The following DNAH3 variants were observed in gnomAD, a reference collection of about 807,000 sequenced individuals.
DNAH3 encodes the protein dynein axonemal heavy chain 3.
In DNAH3, 332 loss-of-function variants were observed where a neutral mutation model predicts 432.5. The ratio of observed to expected loss-of-function variants is 0.77; its 90% confidence interval spans 0.70 to 0.84. DNAH3 has a LOEUF of 0.84. Ranked by LOEUF, DNAH3 falls within the 40% of genes least tolerant of loss-of-function variation. The probability of loss-of-function intolerance (pLI) is 0.00; values close to 1 mark genes in which losing one functional copy is unlikely to be tolerated. For synonymous variants in DNAH3, 1,956 were observed against 1,900.2 expected (o/e 1.03, Z -0.76); for missense variants, 4,861 against 5,114.0 (o/e 0.95, Z 1.51).
chr16:21,065,254 G>A (rs138542781), intron 24 of DNAH3, among the ~76,000 whole-genome samples: 34 of 151,834 alleles, frequency 2.2e-4, no homozygotes, highest in African/African-American at 8.0e-4. Context: ...TCTGCCTCCC[G>A]GGTTCAAGCA....
intron 29 of DNAH3, among the ~76,000 whole-genome samples, chr16:21,050,389 T>C (rs2089904767): frequency 6.6e-6 from 1 of 152,204 alleles, no homozygotes; most frequent in African/African-American, 2.4e-5. Context: ...ATTCCAAAGA[T>C]CACCAGTGCT....
chr16:20,976,571 G>T (rs991257318), intron 50 of DNAH3, among the ~76,000 whole-genome samples: 13 of 152,200 alleles, frequency 8.5e-5, no homozygotes, highest in Admixed American at 7.9e-4. Flanking sequence ...GTACTTTCAA[G>T]GCTACTTTTT....
intron 44 of DNAH3, among the ~76,000 whole-genome samples, chr16:20,991,583 T>A (rs1482624195): frequency 6.6e-6 from 1 of 152,156 alleles, no homozygotes; most frequent in East Asian, 1.9e-4. Flanking sequence ...TTTCTTAAGG[T>A]CTCTTTTTAA....
chr16:21,154,325 A>G (rs1236260156), intron 1 of DNAH3, among the ~76,000 whole-genome samples: 3 of 152,158 alleles, frequency 2.0e-5, no homozygotes, highest in Non-Finnish European at 4.4e-5. Flanking sequence ...GAATTGCATG[A>G]ACACAGGAGG....
intron 39 of DNAH3, among the ~76,000 whole-genome samples, chr16:21,023,194 T>C (rs1410835746): frequency 2.0e-5 from 3 of 151,620 alleles, no homozygotes; most frequent in Admixed American, 6.6e-5. Flanking sequence ...TATATAAAAA[T>C]ACAGGTATAC....
At chr16:21,062,398 T>G (rs563057250) in intron 25 of DNAH3, 84 bp downstream of exon 25, 3 of 1,117,488 alleles carry the variant, frequency 2.7e-6, no homozygotes, top group Non-Finnish European at 4.0e-6. Flanking sequence ...GGCAGTCTGG[T>G]GCTTAGTCCC....
At chr16:21,100,583 T>C (rs930648032) in intron 16 of DNAH3, among the ~76,000 whole-genome samples, 4 of 152,226 alleles carry the variant, frequency 2.6e-5, no homozygotes, top group Non-Finnish European at 5.9e-5. Context: ...CTCCCTAAGA[T>C]GTCTTCCCTT....
chr16:21,056,171 C>A, intron 27 of DNAH3, among the ~76,000 whole-genome samples: 1 of 152,206 alleles, frequency 6.6e-6, no homozygotes, highest in African/African-American at 2.4e-5. Flanking sequence ...ACCGAAGTGT[C>A]TTCCTGCTGG....
intron 60 of DNAH3, 138 bp downstream of exon 60, chr16:20,936,511 G>A (rs2152564902): frequency 1.4e-6 from 1 of 739,602 alleles, no homozygotes; most frequent in East Asian, 2.7e-5. Context: ...ACTCCAGGAA[G>A]ACTGTTTCCA....
At chr16:21,086,816 G>A (rs140518840) in intron 19 of DNAH3, 33 bp downstream of exon 19, 36 of 1,595,114 alleles carry the variant, frequency 2.3e-5, no homozygotes, top group East Asian at 8.9e-5. Context: ...CCTGGGCTGC[G>A]CTGCTTGGGG....
At chr16:20,983,037 T>C in intron 48 of DNAH3, 151 bp from the exon 49 acceptor site, 1 of 723,182 alleles carries the variant, frequency 1.4e-6, no homozygotes, top group Non-Finnish European at 2.3e-6. Flanking sequence ...CCATAATGAG[T>C]GCCTGGGAAA....
intron 6 of DNAH3, 80 bp from the exon 8 acceptor site, chr16:21,134,534 T>C (rs1351386694): frequency 7.3e-7 from 1 of 1,372,318 alleles, no homozygotes. Context: ...AGTTTTGTTT[T>C]TAATATAGAG....
chr16:21,101,008 CAT>C (rs1265489324), intron 16 of DNAH3, among the ~76,000 whole-genome samples: 1 of 152,180 alleles, frequency 6.6e-6, no homozygotes, highest in African/African-American at 2.4e-5. Context: ...AACACACACA[CAT>C]ACAAACAACT....
At chr16:21,089,283 T>G (rs2091465466) in intron 18 of DNAH3, among the ~76,000 whole-genome samples, 1 of 152,200 alleles carries the variant, frequency 6.6e-6, no homozygotes, top group African/African-American at 2.4e-5. Context: ...GGAATCCCAT[T>G]GCAGAACTTG....
intron 58 of DNAH3, 28 bp from the exon 59 acceptor site, chr16:20,941,571 G>GT (rs1567496561): frequency 6.2e-7 from 1 of 1,612,786 alleles, no homozygotes; most frequent in East Asian, 2.2e-5. Context: ...AGAGAGGTGA[G>GT]TGAGAAGCAA....
At chr16:21,062,381 T>C (rs2090390359) in intron 25 of DNAH3, 101 bp downstream of exon 25, 1 of 920,536 alleles carries the variant, frequency 1.1e-6, no homozygotes, top group East Asian at 2.4e-5. Flanking sequence ...AAGTGTTCCA[T>C]ACCCCAGGCA....
intron 9 of DNAH3, among the ~76,000 whole-genome samples, chr16:21,123,221 A>C (rs2092380346): frequency 6.6e-6 from 1 of 151,796 alleles, no homozygotes. Context: ...AAATATTGAC[A>C]TAGAGCTATT....
At chr16:21,076,487 G>A (rs1471359486) in intron 20 of DNAH3, among the ~76,000 whole-genome samples, 2 of 152,098 alleles carry the variant, frequency 1.3e-5, no homozygotes, top group Admixed American at 1.3e-4. Context: ...TCATTATTCC[G>A]GACTGAGCTC....
At chr16:20,979,235 C>T (rs2085739882) in intron 50 of DNAH3, 95 bp downstream of exon 50, 1 of 1,105,934 alleles carries the variant, frequency 9.0e-7, no homozygotes, top group South Asian at 1.4e-5. Flanking sequence ...TCTGCTTGAT[C>T]TGGTGTCCTC....
Sources: gnomAD v4.1 joint callset for allele counts (sites outside exome capture counted in the v4.1 genomes callset) on GRCh38, gnomAD v4.1.1 for gene constraint, MANE v1.5 for transcripts, NCBI Gene and HGNC (gene_info 2026-07-23, HGNC 2026-07-21) for gene names.